Variants in TBC1D31 observed in about 807,000 individuals in gnomAD.
TBC1D31 encodes TBC1 domain family member 31.
A neutral mutation model predicts 132.9 loss-of-function variants in TBC1D31; 99 were observed. The observed-to-expected ratio is 0.74, with a 90% CI of 0.63 to 0.88. The LOEUF (loss-of-function observed/expected upper bound fraction) is 0.88. Ranked by LOEUF, TBC1D31 falls within the 40% of genes least tolerant of loss-of-function variation. TBC1D31 has a pLI of 0.00. For synonymous variants in TBC1D31, 385 were observed against 419.4 expected (o/e 0.92, Z 1.00); for missense variants, 1,134 against 1,256.6 (o/e 0.90, Z 1.48).
intron 2 of TBC1D31, among the ~76,000 whole-genome samples, chr8:123,078,747 G>T (rs1044453329): frequency 4.6e-5 from 7 of 152,094 alleles, no homozygotes; most frequent in Non-Finnish European, 1.0e-4. Context: ...TATTGGAGAT[G>T]GGTCATGCAT....
At chr8:123,155,578 G>A (rs921909650), downstream of TBC1D31, among the ~76,000 whole-genome samples, 1 of 152,126 alleles carries the variant, frequency 6.6e-6, no homozygotes, top group Admixed American at 6.5e-5. The surrounding 1 kb of genome is among the most constrained non-coding windows in gnomAD (Gnocchi z 4.1). Context: ...CCTGGTAGCC[G>A]AAAAACTGAC....
At position 123,130,287 on chromosome 8, in the gene TBC1D31, A is replaced by G. The variant is rs145219867; in HGVS notation, c.2360A>G (p.Gln787Arg). 6 of 1,613,156 alleles carry G rather than the reference A, an allele frequency of 3.7e-6. No individual in the cohort carries two copies. Among genetic ancestry groups the G allele is most frequent in the Non-Finnish European group, 5.1e-6 (6 of 1,179,564 alleles). ...RRRFLKLQQDQQEMELRRLDD... is the reference protein window; with the variant it reads ...RRRFLKLQQDRQEMELRRLDD... The stretch of plus-strand genomic sequence containing the variant: ...CGTTTTCTGAAGCTTCAGCAAGATC[A>G]ACAGGAAATGGAACTAAGAAGACTG... The change falls in exon 16 of 22, where the codon CAA (glutamine) becomes CGA (arginine). Residue 787 changes from glutamine to arginine, a missense_variant. Gln to Arg is a conservative substitution (Grantham distance 43). Transcript: ENST00000287380.
intron 2 of TBC1D31, among the ~76,000 whole-genome samples, chr8:123,081,807 T>G (rs940152477): frequency 1.3e-5 from 2 of 152,174 alleles, no homozygotes; most frequent in African/African-American, 2.4e-5. Flanking sequence ...CTCATGAGAT[T>G]TATTCACTAC....
At chr8:123,082,126 C>T (rs142023589) in intron 2 of TBC1D31, among the ~76,000 whole-genome samples, 145 of 152,274 alleles carry the variant, frequency 9.5e-4, no homozygotes, top group Middle Eastern at 6.8e-3. Context: ...TTTCCTACCC[C>T]CAAACTTATT....
intron 4 of TBC1D31, 38 bp from the exon 5 acceptor site, chr8:123,093,553 A>G (rs1178562468): frequency 6.8e-7 from 1 of 1,475,958 alleles, no homozygotes; most frequent in Admixed American, 1.8e-5. Flanking sequence ...CTCTATGTGA[A>G]CCTTATGTGA....
At position 123,151,872 on chromosome 8, in the gene TBC1D31, A is replaced by G. The variant is rs924062934; in HGVS notation, c.3134A>G (p.Asn1045Ser). The G allele has an allele frequency of 2.5e-5, 40 of 1,592,800 alleles. No homozygotes were observed. The highest frequency in any genetic ancestry group is 3.2e-5 in the Non-Finnish European group (37 of 1,173,130). The change falls in exon 22 of 22, where the codon AAT becomes AGT. Residue 1045 changes from asparagine (N) to serine (S), a missense_variant. By Grantham distance (46) the Asn-to-Ser change is conservative. Transcript: ENST00000287380. Reference protein sequence around the residue: ...TGQNLIKKVRNLRQRLTARAR... With the variant: ...TGQNLIKKVRSLRQRLTARAR... ...CAGAATCTTATTAAGAAAGTGAGAAATCTTCGCCAGAGACTCACTGCCCGG... is the reference window on the plus strand; with the variant it reads ...CAGAATCTTATTAAGAAAGTGAGAAGTCTTCGCCAGAGACTCACTGCCCGG...
Position 123,110,653 on chromosome 8 carries a change from C to T in TBC1D31, c.1436+1033C>T, listed in dbSNP as rs1167968207. 2.6e-5 allele frequency among the ~76,000 whole-genome samples: 4 copies of T among 152,128 alleles called. No homozygotes were observed. The East Asian group carries it at 7.7e-4, about 29-fold the overall frequency. On this transcript the variant is annotated intron_variant, in intron 10 of 21. Transcript: ENST00000287380. ...TTCCCACTCACTCTACACCCCACAT[C>T]CCAACATACACACACTCCCCTTGCT... is the stretch of plus-strand genomic sequence containing the variant.
intron 1 of TBC1D31, among the ~76,000 whole-genome samples, chr8:123,075,702 CAA>C (rs550956906): frequency 1.5e-5 from 2 of 135,444 alleles, no homozygotes; most frequent in Non-Finnish European, 1.6e-5. Context: ...GACTCCATCT[CAA>C]AAAAAAAAAT....
chr8:123,093,514 G>T, intron 4 of TBC1D31, 77 bp from the exon 5 acceptor site: 1 of 959,452 alleles, frequency 1.0e-6, no homozygotes, highest in Non-Finnish European at 1.5e-6. Flanking sequence ...AAGAAAAATA[G>T]ACTACTTGTA....
chr8:123,105,505 G>A (rs559271257), intron 8 of TBC1D31, 41 bp downstream of exon 8: 1 of 1,535,612 alleles, frequency 6.5e-7, no homozygotes, highest in South Asian at 1.2e-5. Flanking sequence ...TGATTCTGCT[G>A]TAGACAAGTC....
intron 2 of TBC1D31, among the ~76,000 whole-genome samples, chr8:123,078,006 C>T (rs927778601): frequency 1.3e-5 from 2 of 151,850 alleles, no homozygotes; most frequent in Non-Finnish European, 1.5e-5. Context: ...CGAGATCGTG[C>T]CACTGCCACT....
Position 123,109,607 on chromosome 8 carries a change from A to T in TBC1D31, c.1423A>T (p.Arg475Ter). 1 of 1,612,140 alleles carries T rather than the reference A, an allele frequency of 6.2e-7. No homozygotes were observed. The highest frequency in any genetic ancestry group is 1.1e-5 in the South Asian group (1 of 90,880). ...CCCCATCAAAAGTAGGAAGCTACTC[A>T]GAGTATTACAGAGGTATGTTCTATA... ...KYPIKSRKLL[R>*]VLQRTLSALA... The change falls in exon 10 of 22, where the codon AGA becomes TGA. Residue 475 changes from arginine (R) to a stop codon, truncating the protein, a stop_gained. Coordinates refer to ENST00000287380, the MANE Select transcript of TBC1D31 (RefSeq NM_145647.4). LOFTEE classifies it high-confidence loss of function.
intron 2 of TBC1D31, among the ~76,000 whole-genome samples, chr8:123,079,757 T>C (rs1814943881): frequency 6.6e-6 from 1 of 152,210 alleles, no homozygotes; most frequent in Admixed American, 6.5e-5. Context: ...GGCCTCCTGA[T>C]TCATGGGAAA....
intron 3 of TBC1D31, chr8:123,083,535 G>C (rs1815403098): frequency 6.6e-6 from 1 of 152,358 alleles, no homozygotes; most frequent in South Asian, 2.1e-4. Context: ...TGAGATTACA[G>C]GCGTGAGCCA....
chr8:123,158,346 G>C, the TBC1D31 span, among the ~76,000 whole-genome samples: 1 of 152,116 alleles, frequency 6.6e-6, no homozygotes, highest in Non-Finnish European at 1.5e-5. Context: ...ACTTTTCGCC[G>C]TATGTACATT....
chr8:123,121,573 A>T (rs960891700), intron 11 of TBC1D31, among the ~76,000 whole-genome samples: 1 of 151,998 alleles, frequency 6.6e-6, no homozygotes, highest in Non-Finnish European at 1.5e-5. Context: ...TAGTTGTTTA[A>T]AAGAGTGTGG....
In TBC1D31 at chr8:123,150,091, A is replaced by G; in HGVS notation, c.3030A>G (p.Gln1010=). 12 of 1,614,058 alleles carry G rather than the reference A, an allele frequency of 7.4e-6. No individual in the cohort carries two copies. Among genetic ancestry groups the G allele is most frequent in the Non-Finnish European group, 1.0e-5 (12 of 1,179,930 alleles). Residue 1010 remains glutamine (Q), a synonymous_variant, in exon 21 of 22, where the codon CAA becomes CAG. Transcript: ENST00000287380. ...CAAGCTGTTTGCCTAGAACCTCACAATTAAATGACTCTTCTGAAATGGATC... is the reference window on the plus strand; with the variant it reads ...CAAGCTGTTTGCCTAGAACCTCACAGTTAAATGACTCTTCTGAAATGGATC... The part of the protein sequence containing the change: ...QDSSCLPRTS[Q]LNDSSEMDPS...
Position 123,109,416 on chromosome 8 carries a change from T to C in TBC1D31, c.1289+20T>C, listed in dbSNP as rs376820858. The C allele has an allele frequency of 3.7e-5, 60 of 1,608,204 alleles. No homozygotes were observed. Among genetic ancestry groups the C allele is most frequent in the Non-Finnish European group, 4.8e-5 (56 of 1,176,610 alleles). On this transcript the variant is annotated intron_variant, in intron 9 of 21. Transcript: ENST00000287380. ...ATACAGGTACAATTTAAATTCTGTA[T>C]GTTACATCAGTTTTACTCAAAAAAA...
chr8:123,083,990 G>A (rs956165424), intron 3 of TBC1D31, 172 bp from the exon 4 acceptor site: 41 of 584,642 alleles, frequency 7.0e-5, no homozygotes, highest in Admixed American at 1.5e-4. Flanking sequence ...AACATGTTCC[G>A]TCATACACTT....
Sources: gnomAD v4.1 joint callset for allele counts (sites outside exome capture counted in the v4.1 genomes callset) on GRCh38, gnomAD v4.1.1 for gene constraint, Gnocchi (gnomAD v3.1) non-coding constraint, MANE v1.5 for transcripts, NCBI Gene and HGNC (gene_info 2026-07-23, HGNC 2026-07-21) for gene names.